STRN: variants seen among roughly 807,000 people sequenced by gnomAD.
STRN encodes the protein striatin, also known as protein phosphatase 2 regulatory subunit B'''alpha.
In STRN, 53 loss-of-function variants were observed where a neutral mutation model predicts 96.3. The observed-to-expected ratio is 0.55, with a 90% confidence interval of 0.44 to 0.69. The LOEUF is 0.69. Among genes scored for constraint, STRN ranks in the 30% least tolerant of loss-of-function variants. STRN has a pLI of 0.00. For synonymous variants in STRN, 428 were observed against 355.9 expected, an observed-to-expected ratio of 1.20 and a Z score of -2.28; for missense variants, 987 against 963.9, an observed-to-expected ratio of 1.02 and a Z score of -0.32.
chr2:36,879,525 C>G (rs1669012347), intron 9 of STRN, among the ~76,000 whole-genome samples: 1 of 152,156 alleles, frequency 6.6e-6, no homozygotes, highest in Admixed American at 6.5e-5. Context: ...ATAGAAAAAT[C>G]AGTTAAAAGC....
intron 10 of STRN, among the ~76,000 whole-genome samples, chr2:36,873,908 A>G (rs554707173): frequency 3.8e-4 from 57 of 149,248 alleles, no homozygotes; most frequent in South Asian, 6.4e-4. Context: ...ACGCCACTGC[A>G]CTCCAGTCTG....
chr2:36,936,323 T>C (rs1485040205), intron 1 of STRN, among the ~76,000 whole-genome samples: 1 of 152,196 alleles, frequency 6.6e-6, no homozygotes, highest in Non-Finnish European at 1.5e-5. Flanking sequence ...GGATTCTGTT[T>C]TGGTTTTATT....
intron 8 of STRN, among the ~76,000 whole-genome samples, chr2:36,885,983 G>A (rs966244983): frequency 6.6e-6 from 1 of 152,016 alleles, no homozygotes; most frequent in African/African-American, 2.4e-5. Context: ...TGGTTTGTAA[G>A]GTTTTGTATT....
intron 5 of STRN, among the ~76,000 whole-genome samples, chr2:36,899,869 T>C (rs959673672): frequency 6.6e-6 from 1 of 152,094 alleles, no homozygotes; most frequent in Non-Finnish European, 1.5e-5. Context: ...ATCCTATCTA[T>C]CTACTTGCCT....
At chr2:36,936,567 A>C (rs1670706612) in intron 1 of STRN, among the ~76,000 whole-genome samples, 1 of 152,222 alleles carries the variant, frequency 6.6e-6, no homozygotes, top group South Asian at 2.1e-4. Context: ...TATATTGAAC[A>C]GGACTTAACA....
At chr2:36,943,158 C>A (rs749507486) in intron 1 of STRN, among the ~76,000 whole-genome samples, 1 of 151,876 alleles carries the variant, frequency 6.6e-6, no homozygotes, top group African/African-American at 2.4e-5. Flanking sequence ...TTTTTAAATT[C>A]TTGTTAGTAA....
chr2:36,956,441 G>A (rs911226634), intron 1 of STRN, among the ~76,000 whole-genome samples: 11 of 152,108 alleles, frequency 7.2e-5, no homozygotes, highest in African/African-American at 2.2e-4. Context: ...AATTATGATG[G>A]TCAACAGATT....
At position 36,845,915 on chromosome 2, in the gene STRN, GCACACACACACACACACACACACACA is replaced by G. The variant is rs58278911; in HGVS notation, c.*3515_*3540del. ...CACACACACACACACACGCATGCAT[GCACACACACACACACACACACACACA>G]CACACACACACTAACTCTCTCTCTC... is the stretch of plus-strand genomic sequence containing the variant. On this transcript the variant is annotated 3_prime_UTR_variant, in exon 18 of 18. Coordinates refer to ENST00000263918, the MANE Select transcript of STRN (RefSeq NM_003162.4). 17 of 82,870 alleles carry G rather than the reference GCACACACACACACACACACACACACA, an allele frequency of 2.1e-4. No individual in the cohort carries two copies. Among genetic ancestry groups the G allele is most frequent in the Non-Finnish European group, 3.2e-4 (14 of 43,442 alleles). 5.1% of individuals were successfully genotyped at this position (82,870 alleles called of 1,614,324 possible).
At chr2:36,859,542 G>C (rs896844106) in intron 13 of STRN, among the ~76,000 whole-genome samples, 3 of 152,172 alleles carry the variant, frequency 2.0e-5, no homozygotes, top group African/African-American at 7.2e-5. Flanking sequence ...TACAGACAAT[G>C]AAACAGTCAT....
chr2:36,958,565 T>C (rs895014117), intron 1 of STRN, among the ~76,000 whole-genome samples: 1 of 152,022 alleles, frequency 6.6e-6, no homozygotes, highest in Admixed American at 6.5e-5. Context: ...AGAAAATTAA[T>C]GGAGTGGAAG....
intron 1 of STRN, among the ~76,000 whole-genome samples, chr2:36,965,825 G>T (rs1320251490): frequency 1.3e-5 from 2 of 152,210 alleles, no homozygotes; most frequent in Non-Finnish European, 2.9e-5. Context: ...ACGTTCTGCG[G>T]AGACTGTCTC....
intron 11 of STRN, 78 bp downstream of exon 11, chr2:36,869,476 G>A (rs1255619172): frequency 8.1e-6 from 10 of 1,235,890 alleles, no homozygotes; most frequent in Non-Finnish European, 1.1e-5. Flanking sequence ...AAATTTAACA[G>A]AAATCATAAA....
chr2:36,883,785 G>GT, intron 9 of STRN, 147 bp downstream of exon 9: 2 of 779,528 alleles, frequency 2.6e-6, no homozygotes, highest in Middle Eastern at 4.3e-4. Context: ...TCCCTTGAAT[G>GT]TAAGAAAGCT....
chr2:36,888,007 C>G (rs1354611173), intron 7 of STRN, among the ~76,000 whole-genome samples: 1 of 152,106 alleles, frequency 6.6e-6, no homozygotes, highest in East Asian at 1.9e-4. Context: ...AACCAAACAC[C>G]CAACCTCTCT....
chr2:36,850,443 C>A (rs1056232165), intron 16 of STRN, among the ~76,000 whole-genome samples: 8 of 152,048 alleles, frequency 5.3e-5, no homozygotes, highest in Non-Finnish European at 8.8e-5. Flanking sequence ...TCTCCATGCA[C>A]AATTCAAATC....
At chr2:36,853,879 A>C (rs1317750961) in intron 15 of STRN, among the ~76,000 whole-genome samples, 1 of 152,246 alleles carries the variant, frequency 6.6e-6, no homozygotes, top group East Asian at 1.9e-4. Flanking sequence ...CATAATTTAG[A>C]AAATGTCAGG....
chr2:36,863,463 C>T (rs1184811741), intron 12 of STRN, among the ~76,000 whole-genome samples: 1 of 152,098 alleles, frequency 6.6e-6, no homozygotes, highest in Non-Finnish European at 1.5e-5. Context: ...TCAACTTTGT[C>T]GAAGATTAGA....
At chr2:36,961,122 T>C in intron 1 of STRN, among the ~76,000 whole-genome samples, 1 of 133,314 alleles carries the variant, frequency 7.5e-6, no homozygotes, top group Admixed American at 7.4e-5. Context: ...GCACTTTTTT[T>C]TTTTTTTTTT....
At chr2:36,867,909 T>A (rs1668670557) in intron 11 of STRN, 48 bp from the exon 12 acceptor site, 1 of 1,417,676 alleles carries the variant, frequency 7.1e-7, no homozygotes, top group African/African-American at 1.5e-5. Flanking sequence ...CAGTAAACAG[T>A]ATAATTAAAC....
Sources: allele counts gnomAD v4.1 joint callset (sites outside exome capture counted in the v4.1 genomes callset), GRCh38; gene constraint gnomAD v4.1.1; transcripts MANE v1.5; gene names NCBI Gene and HGNC (gene_info 2026-07-23, HGNC 2026-07-21).